Variants in GRM8 observed in about 807,000 individuals in gnomAD.
GRM8 encodes glutamate metabotropic receptor 8, also known as metabotropic glutamate receptor 8.
In GRM8, 47 loss-of-function variants were observed where a neutral mutation model predicts 87.2. The ratio of observed to expected loss-of-function variants is 0.54; its 90% CI spans 0.43 to 0.69. The LOEUF (loss-of-function observed/expected upper bound fraction) is 0.69, where lower values mean the gene tolerates loss of function less well. GRM8 is among the 30% of genes least tolerant of loss of function. GRM8 has a pLI of 0.00. For missense variants in GRM8, 1,019 were observed against 1,139.2 expected (o/e 0.89, Z 1.52); for synonymous variants, 396 against 404.5 (o/e 0.98, Z 0.25).
chr7:126,886,323 T>C (rs1800496215), intron 6 of GRM8, among the ~76,000 whole-genome samples: 1 of 152,134 alleles, frequency 6.6e-6, no homozygotes, highest in African/African-American at 2.4e-5. Flanking sequence ...CTCTATTAAA[T>C]TACACTTTTT....
intron 7 of GRM8, among the ~76,000 whole-genome samples, chr7:126,650,606 TGGAAGAAGCATGATTGGAAAATTGG>T (rs1274651602): frequency 2.0e-5 from 3 of 152,098 alleles, no homozygotes; most frequent in African/African-American, 7.2e-5. Context: ...GTCAGGGACT[TGGAAGAAGCATGATTGGAAAATTGG>T]CAACAAAGAA....
intron 7 of GRM8, among the ~76,000 whole-genome samples, chr7:126,623,974 G>A (rs151098077): frequency 6.6e-6 from 1 of 152,208 alleles, no homozygotes; most frequent in East Asian, 1.9e-4. Flanking sequence ...TACATCTAAT[G>A]CATGGACAGG....
At chr7:126,588,507 G>A (rs1173295007) in intron 8 of GRM8, among the ~76,000 whole-genome samples, 1 of 152,154 alleles carries the variant, frequency 6.6e-6, no homozygotes, top group Non-Finnish European at 1.5e-5. Context: ...GCACTCATAT[G>A]CATATCACAG....
At chr7:126,939,086 T>C (rs1244467900) in intron 3 of GRM8, among the ~76,000 whole-genome samples, 1 of 152,108 alleles carries the variant, frequency 6.6e-6, no homozygotes, top group Non-Finnish European at 1.5e-5. Flanking sequence ...AAAATATCTC[T>C]ATCAATCAGA....
At chr7:127,138,035 CCT>C (rs1828038336) in intron 2 of GRM8, among the ~76,000 whole-genome samples, 1 of 152,044 alleles carries the variant, frequency 6.6e-6, no homozygotes, top group Admixed American at 6.5e-5. Flanking sequence ...TTACTTTCTC[CCT>C]CTCTCTTCTC....
At chr7:127,141,730 T>C (rs2299539) in intron 2 of GRM8, among the ~76,000 whole-genome samples, 24,428 of 152,178 alleles carry the variant, frequency 0.16, 2,251 homozygotes, top group Non-Finnish European at 0.21. Flanking sequence ...TTTCAGCATC[T>C]GTATGGAGAA....
chr7:127,189,227 T>C (rs149661273), intron 2 of GRM8, among the ~76,000 whole-genome samples: 27 of 152,326 alleles, frequency 1.8e-4, no homozygotes, highest in African/African-American at 6.5e-4. Flanking sequence ...GTTTTCACTG[T>C]GGGGTATTCT....
chr7:127,044,835 A>C (rs1281494559), intron 3 of GRM8, among the ~76,000 whole-genome samples: 1 of 152,224 alleles, frequency 6.6e-6, no homozygotes, highest in African/African-American at 2.4e-5. Flanking sequence ...TATTTTCTTC[A>C]ATCTTTTTCT....
At position 126,871,766 on chromosome 7, in the gene GRM8, T is replaced by C. The variant is rs147183095; in HGVS notation, c.1156+30776A>G. On this transcript the variant is annotated intron_variant, in intron 6 of 10. Coordinates refer to ENST00000339582, the MANE Select transcript of GRM8 (RefSeq NM_000845.3). ...AAACTATTTTGTACATTTTGCGTTA[T>C]ATGGTAAAGACTGTCTTCTGAAAAC... 4.0e-3 allele frequency among the ~76,000 whole-genome samples: 609 copies of C among 152,300 alleles called. 4 individuals are homozygous for C. The highest frequency in any genetic ancestry group is 0.014 in the African/African-American group (585 of 41,582).
chr7:126,559,639 C>T (rs1186628156), intron 8 of GRM8, among the ~76,000 whole-genome samples: 5 of 152,176 alleles, frequency 3.3e-5, no homozygotes, highest in Non-Finnish European at 2.9e-5. Flanking sequence ...GGCTTAACAA[C>T]TTATACTGGG....
At chr7:126,947,026 C>T (rs1462230443) in intron 3 of GRM8, among the ~76,000 whole-genome samples, 1 of 152,192 alleles carries the variant, frequency 6.6e-6, no homozygotes, top group African/African-American at 2.4e-5. Context: ...CTTCATCTTC[C>T]ATGAAGCTGG....
chr7:126,498,156 A>G (rs1809059951), intron 9 of GRM8, among the ~76,000 whole-genome samples: 1 of 151,972 alleles, frequency 6.6e-6, no homozygotes, highest in Non-Finnish European at 1.5e-5. Flanking sequence ...GGAAATTACC[A>G]AAAGACATAG....
intron 7 of GRM8, among the ~76,000 whole-genome samples, chr7:126,663,082 T>C (rs1272541774): frequency 1.3e-5 from 2 of 152,240 alleles, no homozygotes; most frequent in African/African-American, 4.8e-5. Flanking sequence ...TAGCTATTAA[T>C]AGACCTCCTT....
intron 3 of GRM8, among the ~76,000 whole-genome samples, chr7:127,100,707 A>C (rs1825155775): frequency 6.6e-6 from 1 of 152,296 alleles, no homozygotes; most frequent in Middle Eastern, 3.4e-3. Flanking sequence ...AGTCTTATTC[A>C]TTACCATGAG....
intron 8 of GRM8, among the ~76,000 whole-genome samples, chr7:126,559,265 G>T (rs190874290): frequency 1.3e-4 from 19 of 150,040 alleles, no homozygotes; most frequent in African/African-American, 4.2e-4. Context: ...TGATTCTCAT[G>T]CCTCAGCCTC....
At chr7:127,227,106 G>A (rs1797378801) in intron 2 of GRM8, among the ~76,000 whole-genome samples, 1 of 152,192 alleles carries the variant, frequency 6.6e-6, no homozygotes, top group Non-Finnish European at 1.5e-5. Flanking sequence ...AAGGAGCCTC[G>A]GAAAGGAATC....
intron 2 of GRM8, among the ~76,000 whole-genome samples, chr7:127,146,660 T>C (rs1396312504): frequency 4.6e-5 from 7 of 152,054 alleles, no homozygotes; most frequent in Non-Finnish European, 1.0e-4. Context: ...AATATTTTAG[T>C]TCAGTTATCC....
At chr7:127,024,012 T>C (rs1816527702) in intron 3 of GRM8, among the ~76,000 whole-genome samples, 1 of 152,156 alleles carries the variant, frequency 6.6e-6, no homozygotes, top group African/African-American at 2.4e-5. Context: ...TTCCTTTTGA[T>C]ATTAAAGTCT....
intron 2 of GRM8, among the ~76,000 whole-genome samples, chr7:127,213,506 T>C (rs1292999048): frequency 6.6e-6 from 1 of 152,216 alleles, no homozygotes; most frequent in Non-Finnish European, 1.5e-5. Flanking sequence ...CTCACATTAT[T>C]GGATAATATT....
Sources: allele counts gnomAD v4.1 joint callset (sites outside exome capture counted in the v4.1 genomes callset), GRCh38; gene constraint gnomAD v4.1.1; transcripts MANE v1.5; gene names NCBI Gene and HGNC (gene_info 2026-07-23, HGNC 2026-07-21).